Variants in XKR9 observed in about 807,000 individuals in gnomAD.
XKR9 encodes XK-related protein 9.
A neutral mutation model predicts 32.0 loss-of-function variants in XKR9; 32 were observed. That is an observed-to-expected ratio of 1.00 (90% CI 0.76 to 1.34). XKR9 has a LOEUF of 1.34. Among genes scored for constraint, XKR9 ranks in the 40% most tolerant of loss-of-function variants. The pLI, the probability that XKR9 is intolerant of heterozygous loss-of-function variation, is 0.00. For missense variants in XKR9, 546 were observed against 429.7 expected (o/e 1.27, Z -2.39); for synonymous variants, 168 against 143.4 (o/e 1.17, Z -1.22).
At chr8:70,945,139 T>A in the XKR9 span, among the ~76,000 whole-genome samples, 5 of 152,252 alleles carry the variant, frequency 3.3e-5, no homozygotes, top group African/African-American at 1.2e-4. Flanking sequence ...TTTATCATTG[T>A]TAATTTGAAT....
At chr8:71,009,394 G>C in the XKR9 span, among the ~76,000 whole-genome samples, 2 of 120,568 alleles carry the variant, frequency 1.7e-5, no homozygotes, top group African/African-American at 5.6e-5. Context: ...TGTGGCCCAA[G>C]AGAATTCTTC....
intron 2 of XKR9, among the ~76,000 whole-genome samples, chr8:70,771,246 C>T (rs780405246): frequency 6.6e-6 from 1 of 152,218 alleles, no homozygotes; most frequent in Non-Finnish European, 1.5e-5. Flanking sequence ...GCTACACTCA[C>T]TGCTTAACCA....
downstream of XKR9, among the ~76,000 whole-genome samples, chr8:70,736,125 G>A (rs550293128): frequency 7.2e-4 from 110 of 152,136 alleles, no homozygotes; most frequent in African/African-American, 1.3e-3. Context: ...TCCAGCACCT[G>A]TTGTTTCCTG....
the XKR9 span, among the ~76,000 whole-genome samples, chr8:70,933,929 T>G: frequency 2.8e-4 from 43 of 152,152 alleles, 1 homozygote; most frequent in African/African-American, 1.0e-3. Flanking sequence ...ATGGTAAACA[T>G]TTATTATGAT....
the XKR9 span, among the ~76,000 whole-genome samples, chr8:70,860,386 AC>A: frequency 2.2e-3 from 340 of 152,094 alleles, 1 homozygote; most frequent in African/African-American, 7.9e-3. Flanking sequence ...CCTCAGCAAA[AC>A]CTGACCAACT....
At chr8:70,835,033 A>G in the XKR9 span, among the ~76,000 whole-genome samples, 1 of 152,106 alleles carries the variant, frequency 6.6e-6, no homozygotes, top group Non-Finnish European at 1.5e-5. Flanking sequence ...AGTTAATCCT[A>G]ATATGATCAC....
At chr8:70,901,035 C>G in the XKR9 span, among the ~76,000 whole-genome samples, 1 of 152,184 alleles carries the variant, frequency 6.6e-6, no homozygotes, top group Admixed American at 6.5e-5. Context: ...ATATGTGCCA[C>G]GTTTTCTTAA....
the XKR9 span, among the ~76,000 whole-genome samples, chr8:70,969,250 A>G: frequency 6.6e-6 from 1 of 152,250 alleles, no homozygotes; most frequent in Non-Finnish European, 1.5e-5. Flanking sequence ...CTAGTAATTT[A>G]TATATCCTTA....
intron 3 of XKR9, among the ~76,000 whole-genome samples, chr8:70,685,924 AATT>A (rs1423456665): frequency 6.6e-6 from 1 of 151,076 alleles, no homozygotes; most frequent in African/African-American, 2.4e-5. Flanking sequence ...ATTTAAATAA[AATT>A]AAATCAATTA....
chr8:71,002,572 G>A, the XKR9 span, among the ~76,000 whole-genome samples: 3 of 151,838 alleles, frequency 2.0e-5, no homozygotes, highest in African/African-American at 7.3e-5. Flanking sequence ...TGTTTTATAC[G>A]GTCTCCCTTT....
At chr8:70,996,064 C>G in the XKR9 span, among the ~76,000 whole-genome samples, 1 of 152,136 alleles carries the variant, frequency 6.6e-6, no homozygotes, top group African/African-American at 2.4e-5. Context: ...ATACTTTTCT[C>G]TCTATCCATC....
chr8:70,871,642 C>T, the XKR9 span, among the ~76,000 whole-genome samples: 1 of 152,136 alleles, frequency 6.6e-6, no homozygotes, highest in African/African-American at 2.4e-5. Context: ...AATCTTTCCT[C>T]CATCTCCTTG....
chr8:70,903,466 G>C, the XKR9 span, among the ~76,000 whole-genome samples: 2 of 152,130 alleles, frequency 1.3e-5, no homozygotes, highest in Non-Finnish European at 2.9e-5. Flanking sequence ...TTGTATTTCT[G>C]TGGGGTTGGT....
chr8:70,834,208 TATATA>T, the XKR9 span, among the ~76,000 whole-genome samples: 1 of 152,094 alleles, frequency 6.6e-6, no homozygotes, highest in Admixed American at 6.5e-5. Flanking sequence ...TTTTATCTGA[TATATA>T]ATATATTCTT....
At chr8:70,785,731 CTCTCTCTCTATA>C (rs1373451387) in intron 2 of XKR9, among the ~76,000 whole-genome samples, 2 of 111,882 alleles carry the variant, frequency 1.8e-5, no homozygotes, top group Non-Finnish European at 2.1e-5. Context: ...CTCTCTCTCT[CTCTCTCTCTATA>C]TATATATATA....
the XKR9 span, among the ~76,000 whole-genome samples, chr8:70,887,671 AT>A: frequency 3.5e-3 from 532 of 151,348 alleles, 4 homozygotes; most frequent in African/African-American, 0.012. Context: ...TAGGTATTTT[AT>A]TTTCTTTATA....
the XKR9 span, among the ~76,000 whole-genome samples, chr8:70,816,704 G>A: frequency 2.0e-5 from 3 of 151,996 alleles, no homozygotes; most frequent in Admixed American, 1.3e-4. Context: ...TTGCAAGCCC[G>A]AAGAGATTGG....
intron 4 of XKR9, among the ~76,000 whole-genome samples, chr8:70,725,714 T>G (rs1298379589): frequency 6.6e-6 from 1 of 152,182 alleles, no homozygotes; most frequent in Admixed American, 6.6e-5. Context: ...AAGACCAGCC[T>G]GTCCAACATT....
the XKR9 span, among the ~76,000 whole-genome samples, chr8:70,845,972 C>T: frequency 6.6e-6 from 1 of 152,158 alleles, no homozygotes; most frequent in African/African-American, 2.4e-5. Flanking sequence ...GTAGATACAA[C>T]CCAAAAAGGC....
Sources: gnomAD v4.1 joint callset for allele counts (sites outside exome capture counted in the v4.1 genomes callset) on GRCh38, gnomAD v4.1.1 for gene constraint, MANE v1.5 for transcripts, NCBI Gene and HGNC (gene_info 2026-07-23, HGNC 2026-07-21) for gene names.